PPFIA2: variants seen among roughly 807,000 people sequenced by gnomAD.
The protein encoded by PPFIA2 is liprin-alpha-2.
A neutral mutation model predicts 175.5 loss-of-function variants in PPFIA2; 46 were observed. That is an observed-to-expected ratio of 0.26 (90% CI 0.21 to 0.34). The LOEUF is 0.34. Among genes scored for constraint, PPFIA2 ranks in the 10% least tolerant of loss-of-function variants. The pLI, the probability that PPFIA2 is intolerant of heterozygous loss-of-function variation, is 1.00. For missense variants in PPFIA2, 1,179 were observed against 1,506.1 expected, an observed-to-expected ratio of 0.78 and a Z score of 3.60; for synonymous variants, 568 against 511.4, an observed-to-expected ratio of 1.11 and a Z score of -1.49.
In PPFIA2 at chr12:81,374,637, G is replaced by A. The variant is rs759422090; in HGVS notation, c.1263C>T (p.Thr421=). ...ACCAGTTGTTCTAGTGCAGTACCTTGGTTAGGGCTGCAATTCTCTGAGCCA... is the reference window on the plus strand; with the variant it reads ...ACCAGTTGTTCTAGTGCAGTACCTTAGTTAGGGCTGCAATTCTCTGAGCCA... ...AELAQRIAAL[T]KAEERHGNIE... is the part of the protein sequence containing the mutation. Residue 421 remains threonine (T), a synonymous_variant, in exon 11 of 33, where the codon ACC becomes ACT. Coordinates refer to ENST00000549396, the MANE Select transcript of PPFIA2 (RefSeq NM_003625.5). 1.8e-5 allele frequency: 29 copies of A among 1,611,576 alleles called. No individual in the cohort carries two copies. Among genetic ancestry groups the A allele is most frequent in the African/African-American group, 2.7e-5 (2 of 74,798 alleles).
chr12:81,316,288 G>A (rs577007179), intron 22 of PPFIA2, among the ~76,000 whole-genome samples: 1 of 151,520 alleles, frequency 6.6e-6, no homozygotes, highest in East Asian at 1.9e-4. Flanking sequence ...AATCTCCAAA[G>A]ATCTTATAAA....
intron 7 of PPFIA2, among the ~76,000 whole-genome samples, chr12:81,439,500 G>A (rs928079785): frequency 6.6e-6 from 1 of 151,896 alleles, no homozygotes; most frequent in African/African-American, 2.4e-5. Flanking sequence ...CTTTTTTGGG[G>A]GTTGTGAATA....
At chr12:81,365,976 CCCTCCCTCCCTTCCTTCCTTCCTT>C (rs2033160320) in intron 14 of PPFIA2, among the ~76,000 whole-genome samples, 1 of 74,708 alleles carries the variant, frequency 1.3e-5, no homozygotes, top group African/African-American at 6.2e-5. Flanking sequence ...CTCCCTCCCT[CCCTCCCTCCCTTCCTTCCTTCCTT>C]CCTTCCTTCC....
At chr12:81,343,083 T>C (rs1435715351) in intron 19 of PPFIA2, among the ~76,000 whole-genome samples, 1 of 152,052 alleles carries the variant, frequency 6.6e-6, no homozygotes, top group Admixed American at 6.6e-5. Flanking sequence ...GGCTGATTAC[T>C]TACCTGCTCT....
chr12:81,474,868 T>C (rs2146437017), intron 4 of PPFIA2, among the ~76,000 whole-genome samples: 1 of 152,350 alleles, frequency 6.6e-6, no homozygotes, highest in East Asian at 1.9e-4. Context: ...TAGAATCATT[T>C]AGGTGATAAA....
At chr12:81,446,810 AT>A (rs1443782266) in intron 5 of PPFIA2, among the ~76,000 whole-genome samples, 5 of 152,164 alleles carry the variant, frequency 3.3e-5, no homozygotes, top group Non-Finnish European at 5.9e-5. Flanking sequence ...GTAATGAAAA[AT>A]TTTGGTTTTC....
At chr12:81,342,484 T>C (rs2058287868) in intron 19 of PPFIA2, among the ~76,000 whole-genome samples, 1 of 152,144 alleles carries the variant, frequency 6.6e-6, no homozygotes, top group Non-Finnish European at 1.5e-5. Context: ...AGGAACTTCA[T>C]GAAATTGTCA....
intron 4 of PPFIA2, among the ~76,000 whole-genome samples, chr12:81,526,073 A>T (rs2063702263): frequency 6.6e-6 from 1 of 152,150 alleles, no homozygotes; most frequent in Non-Finnish European, 1.5e-5. Context: ...CTTTCCAAGT[A>T]CTTAGATATT....
chr12:81,282,985 G>C, intron 26 of PPFIA2, 25 bp downstream of exon 26: 1 of 1,596,020 alleles, frequency 6.3e-7, no homozygotes, highest in Non-Finnish European at 8.6e-7. Context: ...GATATTAAGG[G>C]TCTTAAAGCA....
chr12:81,738,770 CA>C (rs1343977648), intron 3 of PPFIA2, among the ~76,000 whole-genome samples: 1 of 150,938 alleles, frequency 6.6e-6, no homozygotes, highest in Non-Finnish European at 1.5e-5. Flanking sequence ...ATAAAGATAC[CA>C]AATAATTTAA....
intron 7 of PPFIA2, among the ~76,000 whole-genome samples, chr12:81,429,655 G>C (rs1217315507): frequency 6.6e-6 from 1 of 152,028 alleles, no homozygotes; most frequent in Non-Finnish European, 1.5e-5. Flanking sequence ...AAATTTTAGG[G>C]AAAAGTTATA....
chr12:81,380,272 G>A (rs2037343525), intron 9 of PPFIA2, among the ~76,000 whole-genome samples: 1 of 152,102 alleles, frequency 6.6e-6, no homozygotes, highest in African/African-American at 2.4e-5. Context: ...AGGCTGAGGT[G>A]AGAGGATTGC....
chr12:81,316,221 A>G (rs928253786), intron 22 of PPFIA2, among the ~76,000 whole-genome samples: 1 of 151,600 alleles, frequency 6.6e-6, no homozygotes, highest in Non-Finnish European at 1.5e-5. Flanking sequence ...AGAAGTGTGG[A>G]GACAGATACA....
In PPFIA2 at chr12:81,581,999, T is replaced by C. The variant is rs376336133; in HGVS notation, c.303+94792A>G. 8.0e-4 allele frequency among the ~76,000 whole-genome samples: 121 copies of C among 152,028 alleles called. 3 individuals carry two copies. The South Asian group carries it at 0.021, about 27-fold the overall frequency. On this transcript the variant is annotated intron_variant, in intron 4 of 32. Coordinates refer to ENST00000549396, the MANE Select transcript of PPFIA2 (RefSeq NM_003625.5). The stretch of plus-strand genomic sequence containing the variant: ...GAAATTCAATATTTGCATATTAACG[T>C]TTCAAGTTTAGATATAAGGCCCAAA...
At chr12:81,455,611 G>A (rs2053439874) in intron 5 of PPFIA2, among the ~76,000 whole-genome samples, 2 of 152,090 alleles carry the variant, frequency 1.3e-5, no homozygotes, top group Admixed American at 1.3e-4. Flanking sequence ...ATAGCCTCGG[G>A]TATTTCTGGT....
At chr12:81,739,215 A>AT (rs2082030858) in intron 3 of PPFIA2, among the ~76,000 whole-genome samples, 1 of 152,044 alleles carries the variant, frequency 6.6e-6, no homozygotes, top group Non-Finnish European at 1.5e-5. Context: ...ATTTTTAAAA[A>AT]AACAAATTAA....
intron 7 of PPFIA2, among the ~76,000 whole-genome samples, chr12:81,413,128 A>G (rs1413871342): frequency 6.6e-6 from 1 of 151,852 alleles, no homozygotes; most frequent in East Asian, 1.9e-4. Context: ...TTTCTCACCA[A>G]CCATTTTGAC....
intron 4 of PPFIA2, among the ~76,000 whole-genome samples, chr12:81,583,020 G>T (rs2074652761): frequency 6.6e-6 from 1 of 151,784 alleles, no homozygotes; most frequent in African/African-American, 2.4e-5. Flanking sequence ...ATTACTCATT[G>T]AAACCTTGAA....
intron 3 of PPFIA2, among the ~76,000 whole-genome samples, chr12:81,717,667 C>A (rs1017110054): frequency 1.1e-4 from 16 of 151,624 alleles, no homozygotes; most frequent in Admixed American, 9.9e-4. Context: ...CCAATATATG[C>A]CAGGCACTGT....
Sources: allele counts gnomAD v4.1 joint callset (sites outside exome capture counted in the v4.1 genomes callset), GRCh38; gene constraint gnomAD v4.1.1; transcripts MANE v1.5; gene names NCBI Gene and HGNC (gene_info 2026-07-23, HGNC 2026-07-21).